The following CLIP1 variants were observed in gnomAD, a reference collection of about 807,000 sequenced individuals.
The protein encoded by CLIP1 is CAP-Gly domain containing linker protein 1.
Under a neutral mutation model 161.6 loss-of-function variants are expected in CLIP1, and 66 were observed. That is an observed-to-expected ratio of 0.41 (90% CI 0.33 to 0.50). CLIP1 has a LOEUF of 0.50. CLIP1 is among the 20% of genes least tolerant of loss of function. CLIP1 has a pLI of 0.27. For missense variants in CLIP1, 1,376 were observed against 1,702.0 expected, an observed-to-expected ratio of 0.81 and a Z score of 3.37; for synonymous variants, 598 against 626.2, an observed-to-expected ratio of 0.96 and a Z score of 0.67.
At chr12:122,420,061 G>T (rs1956889035) in intron 1 of CLIP1, among the ~76,000 whole-genome samples, 1 of 151,838 alleles carries the variant, frequency 6.6e-6, no homozygotes, top group African/African-American at 2.4e-5. Flanking sequence ...AGGACATCAG[G>T]CCAGGCGTGG....
chr12:122,292,101 C>T (rs1013774032), intron 20 of CLIP1, among the ~76,000 whole-genome samples: 4 of 152,106 alleles, frequency 2.6e-5, no homozygotes, highest in Admixed American at 6.6e-5. Flanking sequence ...AAGCAATTCT[C>T]GTGCCTCAGC....
chr12:122,369,893 T>C (rs1954350396), intron 3 of CLIP1, among the ~76,000 whole-genome samples: 1 of 151,578 alleles, frequency 6.6e-6, no homozygotes, highest in Non-Finnish European at 1.5e-5. Context: ...CCAGGCATGG[T>C]GGCTCACACC....
intron 20 of CLIP1, among the ~76,000 whole-genome samples, chr12:122,308,190 C>G (rs767350652): frequency 1.3e-5 from 2 of 152,110 alleles, no homozygotes; most frequent in Non-Finnish European, 2.9e-5. Context: ...TTCTGAGTGA[C>G]AGAGACAAGA....
intron 20 of CLIP1, 46 bp from the exon 21 acceptor site, chr12:122,288,587 A>C (rs769777816): frequency 1.3e-6 from 2 of 1,548,658 alleles, no homozygotes; most frequent in Non-Finnish European, 1.8e-6. Flanking sequence ...CAGGCCACAG[A>C]AAGGCATATT....
At chr12:122,388,521 A>G (rs967955782) in intron 1 of CLIP1, among the ~76,000 whole-genome samples, 3 of 151,858 alleles carry the variant, frequency 2.0e-5, no homozygotes, top group African/African-American at 7.3e-5. Flanking sequence ...CCGGCCAACT[A>G]TCTGTATTTT....
At position 122,273,070 on chromosome 12, in the gene CLIP1, T is replaced by TTTC; in HGVS notation, c.4119_4121dup (p.Lys1374dup). 11 of 1,613,890 alleles carry TTTC rather than the reference T, an allele frequency of 6.8e-6. No individual in the cohort carries two copies. The highest frequency in any genetic ancestry group is 9.3e-6 in the Non-Finnish European group (11 of 1,179,948). Reference sequence around the variant, plus strand: ...CACAAATGTCACAGAAGAGGCGAGGTTTCTTCTTGGACTGTTTCTCCTGAT... The same window carrying TTTC: ...CACAAATGTCACAGAAGAGGCGAGGTTTCTTCTTCTTGGACTGTTTCTCCTGAT... On this transcript the variant is annotated inframe_insertion, in exon 26 of 26. Transcript: ENST00000620786.
In CLIP1 at chr12:122,341,398, G is replaced by T; in HGVS notation, c.1806C>A (p.Asn602Lys). ...GCTCCAGCTTGCTTTTCAATGACTC[G>T]TTCTCTTTGGAAAGCTTTTCCGTGG... Reference protein sequence around the residue: ...YTATEKLSKENESLKSKLEHA... With the variant: ...YTATEKLSKEKESLKSKLEHA... The change falls in exon 11 of 26, where the codon AAC becomes AAA. Residue 602 changes from asparagine to lysine, a missense_variant. Physicochemically the swap from Asn to Lys is moderately conservative, Grantham distance 94 (BLOSUM62 0). This residue lies in a region of CLIP1 where 948 missense variants were observed against 1,134.8 expected (regional missense o/e 0.84). Coordinates refer to ENST00000620786, the MANE Select transcript of CLIP1 (RefSeq NM_001247997.2). 1 of 1,614,058 alleles carries T rather than the reference G, an allele frequency of 6.2e-7. No individual in the cohort carries two copies. Among genetic ancestry groups the T allele is most frequent in the Non-Finnish European group, 8.5e-7 (1 of 1,180,020 alleles).
At chr12:122,274,280 CA>C (rs1955301763) in intron 24 of CLIP1, 118 bp from the exon 25 acceptor site, 2 of 766,000 alleles carry the variant, frequency 2.6e-6, no homozygotes, top group Admixed American at 4.7e-5. Flanking sequence ...AAGGGGCCAA[CA>C]GCGGCTATTA....
intron 15 of CLIP1, among the ~76,000 whole-genome samples, chr12:122,331,766 G>A (rs560650106): frequency 6.7e-6 from 1 of 150,220 alleles, no homozygotes; most frequent in East Asian, 2.0e-4. Flanking sequence ...CGGCCAAGGC[G>A]GCCAGATCGC....
At chr12:122,277,344 T>G (rs1406147707) in intron 24 of CLIP1, 2 of 114,400 alleles carry the variant, frequency 1.7e-5, no homozygotes, top group African/African-American at 9.9e-5. Context: ...TTGTTTTTTG[T>G]TTTTTTTGTT....
At chr12:122,368,260 G>T (rs1274975007) in intron 3 of CLIP1, among the ~76,000 whole-genome samples, 1 of 152,124 alleles carries the variant, frequency 6.6e-6, no homozygotes, top group Non-Finnish European at 1.5e-5. Flanking sequence ...TACAGCGTTG[G>T]CCATTGAGGG....
At chr12:122,359,086 CAAATA>C (rs201948462) in intron 5 of CLIP1, among the ~76,000 whole-genome samples, 6 of 152,068 alleles carry the variant, frequency 3.9e-5, no homozygotes, top group Non-Finnish European at 8.8e-5. Context: ...AAAATAAAAA[CAAATA>C]AAGAATGAAT....
intron 1 of CLIP1, among the ~76,000 whole-genome samples, chr12:122,418,113 G>A (rs1337183120): frequency 6.6e-6 from 1 of 151,742 alleles, no homozygotes; most frequent in Non-Finnish European, 1.5e-5. Context: ...TTTACTTTTT[G>A]TTTATTGTCT....
intron 1 of CLIP1, among the ~76,000 whole-genome samples, chr12:122,422,284 G>A (rs1292056840): frequency 2.0e-5 from 3 of 151,800 alleles, no homozygotes; most frequent in South Asian, 2.1e-4. Flanking sequence ...CGCTGACAGG[G>A]CCGCCACTTT....
chr12:122,284,836 T>TA (rs779567604), intron 21 of CLIP1, among the ~76,000 whole-genome samples: 1 of 152,208 alleles, frequency 6.6e-6, no homozygotes, highest in Non-Finnish European at 1.5e-5. Context: ...AGAACCAGCA[T>TA]AAAAAATCTG....
intron 1 of CLIP1, among the ~76,000 whole-genome samples, chr12:122,408,693 C>G (rs990998073): frequency 6.6e-6 from 1 of 151,782 alleles, no homozygotes; most frequent in African/African-American, 2.4e-5. Flanking sequence ...GTCTTGAACT[C>G]CTGGGCTCAA....
intron 11 of CLIP1, among the ~76,000 whole-genome samples, chr12:122,339,707 C>T (rs1225918166): frequency 6.6e-6 from 1 of 152,140 alleles, no homozygotes; most frequent in Non-Finnish European, 1.5e-5. Context: ...TACAGTCATG[C>T]ATTGCTTAAG....
rs149345437 is a variant in CLIP1, at chr12:122,355,294, G to A, written c.1024C>T (p.Arg342Cys). ...GTACCGGAGATCTTCCTGGCGTAAC[G>A]GGAGGAGGTTTCAGTCAACTGTAAA... ...RTGLLTETSS[R>C]YARKISGTTA... The change falls in exon 6 of 26, where the codon CGT becomes TGT. Residue 342 changes from arginine (R) to cysteine (C), a missense_variant. Arg to Cys is a radical substitution (Grantham distance 180). This residue lies in a region of CLIP1 where 211 missense variants were observed against 295.1 expected (regional missense o/e 0.72). Transcript: ENST00000620786. This position sits in a 1 kb window ranked among gnomAD's most constrained non-coding sequence, Gnocchi z 4.1. The A allele has an allele frequency of 1.1e-4, 184 of 1,613,878 alleles. No homozygotes were observed. The highest frequency in any genetic ancestry group is 1.9e-4 in the African/African-American group (14 of 74,942).
intron 3 of CLIP1, among the ~76,000 whole-genome samples, chr12:122,368,530 T>C (rs1954278229): frequency 6.6e-6 from 1 of 152,180 alleles, no homozygotes; most frequent in African/African-American, 2.4e-5. Flanking sequence ...CCTGAGTGCA[T>C]AAAGCTATAA....
Sources: gnomAD v4.1 joint callset for allele counts (sites outside exome capture counted in the v4.1 genomes callset) on GRCh38, gnomAD v4.1.1 for gene constraint, gnomAD v4.1.1 regional missense constraint, Gnocchi (gnomAD v3.1) non-coding constraint, MANE v1.5 for transcripts, NCBI Gene and HGNC (gene_info 2026-07-23, HGNC 2026-07-21) for gene names.